The following EGF variants were observed in gnomAD, a reference collection of about 807,000 sequenced individuals.
EGF encodes the protein pro-epidermal growth factor.
EGF carries 95 observed loss-of-function variants against 143.8 expected under a neutral mutation model. That is an observed-to-expected ratio of 0.66 (90% CI 0.56 to 0.78). EGF has a LOEUF of 0.78. EGF is among the 30% of genes least tolerant of loss of function. The probability of loss-of-function intolerance (pLI) is 0.00; values close to 1 mark genes in which losing one functional copy is unlikely to be tolerated. For missense variants in EGF, 1,320 were observed against 1,470.9 expected, an observed-to-expected ratio of 0.90 and a Z score of 1.68; for synonymous variants, 510 against 510.5, an observed-to-expected ratio of 1.00 and a Z score of 0.01.
At chr4:109,943,207 G>A in intron 2 of EGF, 47 bp from the exon 3 acceptor site, 1 of 1,299,678 alleles carries the variant, frequency 7.7e-7, no homozygotes, top group East Asian at 2.3e-5. Context: ...TAATTTTGTT[G>A]TGAATGGGGG....
rs1331982033 is a variant in EGF, at chr4:109,917,176, A to T, written c.127+3714A>T. Among the ~76,000 whole-genome samples the T allele has an allele frequency of 3.3e-5, 5 of 152,318 alleles. No individual in the cohort carries two copies. In the East Asian group the frequency reaches 9.7e-4, roughly 29 times the overall value. ...TTCAGTTTTTTGCATATTTTTGCCC[A>T]TGTGTGGAACCCTTCCCTTGTGGAT... On this transcript the variant is annotated intron_variant, in intron 1 of 23. Coordinates refer to ENST00000265171, the MANE Select transcript of EGF (RefSeq NM_001963.6).
chr4:109,931,117 A>G (rs1178491768), intron 1 of EGF, among the ~76,000 whole-genome samples: 1 of 152,258 alleles, frequency 6.6e-6, no homozygotes, highest in Non-Finnish European at 1.5e-5. Context: ...TGTACCACAC[A>G]TCAGTGTTTA....
At chr4:109,985,488 T>C (rs1749997874) in intron 16 of EGF, among the ~76,000 whole-genome samples, 1 of 152,254 alleles carries the variant, frequency 6.6e-6, no homozygotes, top group Admixed American at 6.5e-5. Flanking sequence ...CCAGCCCTCT[T>C]GCCTTCGGCT....
chr4:109,985,944 T>C (rs1750051060), intron 16 of EGF, among the ~76,000 whole-genome samples: 2 of 152,352 alleles, frequency 1.3e-5, no homozygotes, highest in Non-Finnish European at 2.9e-5. Flanking sequence ...CTTATTTAAA[T>C]ATGTATCAAA....
chr4:109,960,320 G>A (rs1015097579), intron 6 of EGF, among the ~76,000 whole-genome samples: 8 of 152,128 alleles, frequency 5.3e-5, no homozygotes, highest in African/African-American at 1.7e-4. Context: ...TTTTTCCCAA[G>A]GGTTATTCTA....
chr4:109,938,619 C>T (rs1741317934), intron 1 of EGF, among the ~76,000 whole-genome samples: 1 of 152,170 alleles, frequency 6.6e-6, no homozygotes, highest in Non-Finnish European at 1.5e-5. Context: ...AATTTTCAGC[C>T]TTTTTGCTCT....
At chr4:109,963,092 G>T in intron 8 of EGF, 81 bp from the exon 9 acceptor site, 1 of 1,497,672 alleles carries the variant, frequency 6.7e-7, no homozygotes, top group Non-Finnish European at 9.2e-7. Flanking sequence ...TTAACAAATG[G>T]TTGACTCGCC....
At chr4:109,983,837 T>C (rs1169647547) in intron 16 of EGF, among the ~76,000 whole-genome samples, 1 of 152,244 alleles carries the variant, frequency 6.6e-6, no homozygotes, top group Non-Finnish European at 1.5e-5. Context: ...TATTTGAATG[T>C]ATTTCCATCC....
At chr4:109,990,809 C>T (rs1004214945) in intron 18 of EGF, among the ~76,000 whole-genome samples, 27 of 152,134 alleles carry the variant, frequency 1.8e-4, no homozygotes, top group Admixed American at 2.6e-4. Context: ...AGCAAGAGAA[C>T]GCTCTAGTTT....
intron 18 of EGF, among the ~76,000 whole-genome samples, chr4:109,990,938 A>G (rs1440151277): frequency 6.6e-6 from 1 of 152,162 alleles, no homozygotes; most frequent in African/African-American, 2.4e-5. Flanking sequence ...GCTTTCTTCA[A>G]ATACAGTCAC....
At chr4:109,976,352 G>A in intron 13 of EGF, 117 bp downstream of exon 13, 1 of 892,256 alleles carries the variant, frequency 1.1e-6, no homozygotes, top group South Asian at 1.4e-5. Flanking sequence ...ATATGGAATA[G>A]AGACAGACTT....
chr4:109,919,464 A>G (rs1013638811), intron 1 of EGF, among the ~76,000 whole-genome samples: 1 of 152,058 alleles, frequency 6.6e-6, no homozygotes, highest in Non-Finnish European at 1.5e-5. Flanking sequence ...GGCTTGATGG[A>G]CATAAGTCAT....
intron 1 of EGF, among the ~76,000 whole-genome samples, chr4:109,932,309 G>A (rs1248075672): frequency 4.4e-5 from 6 of 137,644 alleles, no homozygotes; most frequent in Admixed American, 7.6e-5. Context: ...AATGTTTAAA[G>A]AGCCTTTTCT....
At chr4:109,990,471 G>A (rs1333125116) in intron 18 of EGF, among the ~76,000 whole-genome samples, 2 of 152,154 alleles carry the variant, frequency 1.3e-5, no homozygotes. Context: ...GGGATGGGAG[G>A]AGTCCAGGCA....
At chr4:109,958,650 C>G (rs914188185) in intron 5 of EGF, among the ~76,000 whole-genome samples, 1 of 152,136 alleles carries the variant, frequency 6.6e-6, no homozygotes, top group Admixed American at 6.5e-5. Flanking sequence ...TATTCTTGGC[C>G]AGGCACAGTG....
Position 109,987,788 on chromosome 4 carries a change from T to C in EGF, c.2536T>C (p.Cys846Arg). The C allele has an allele frequency of 6.2e-7, 1 of 1,613,984 alleles. No homozygotes were observed. The highest frequency in any genetic ancestry group is 8.5e-7 in the Non-Finnish European group (1 of 1,179,882). Residue 846 changes from cysteine to arginine, a missense_variant, in exon 17 of 24, where the codon TGT (cysteine) becomes CGT (arginine). By Grantham distance (180) the Cys-to-Arg change is radical (BLOSUM62 -3). Transcript: ENST00000265171. Reference protein sequence around the residue: ...APVGCSMYARCISEGEDATCQ... With the variant: ...APVGCSMYARRISEGEDATCQ... ...TGTGGGATGCAGCATGTATGCTCGG[T>C]GTATTTCAGAGGGAGAGGATGCCAC...
At chr4:109,987,912 T>A (rs2126134594) in intron 17 of EGF, 52 bp downstream of exon 17, 1 of 1,385,144 alleles carries the variant, frequency 7.2e-7, no homozygotes, top group Non-Finnish European at 1.0e-6. Context: ...ACCAGAAACA[T>A]TTTTTCTGCT....
chr4:109,951,171 TA>T (rs1463927113), intron 5 of EGF, among the ~76,000 whole-genome samples: 1 of 149,240 alleles, frequency 6.7e-6, no homozygotes, highest in East Asian at 2.0e-4. Context: ...TAAAATAAAA[TA>T]AAATAAAATA....
chr4:109,940,867 G>T (rs10029765), intron 1 of EGF, 79 bp from the exon 2 acceptor site: 1 of 1,354,764 alleles, frequency 7.4e-7, no homozygotes, highest in South Asian at 1.2e-5. Flanking sequence ...TGCTTGTGTT[G>T]GTTGTCATTG....
Sources: allele counts gnomAD v4.1 joint callset (sites outside exome capture counted in the v4.1 genomes callset), GRCh38; gene constraint gnomAD v4.1.1; transcripts MANE v1.5; gene names NCBI Gene and HGNC (gene_info 2026-07-23, HGNC 2026-07-21).